Variants in ATP10D observed in about 807,000 individuals in gnomAD.
The protein encoded by ATP10D is phospholipid-transporting ATPase VD.
ATP10D carries 89 observed loss-of-function variants against 144.8 expected under a neutral mutation model. That is an observed-to-expected ratio of 0.61 (90% CI 0.52 to 0.73). The LOEUF (loss-of-function observed/expected upper bound fraction) is 0.73. Ranked by LOEUF, ATP10D falls within the 30% of genes least tolerant of loss-of-function variation. ATP10D has a pLI of 0.00. For missense variants in ATP10D, 1,603 were observed against 1,714.8 expected, an observed-to-expected ratio of 0.93 and a Z score of 1.15; for synonymous variants, 571 against 615.1, an observed-to-expected ratio of 0.93 and a Z score of 1.06.
At chr4:47,577,712 C>T (rs890062750) in intron 19 of ATP10D, among the ~76,000 whole-genome samples, 2 of 152,200 alleles carry the variant, frequency 1.3e-5, no homozygotes, top group Non-Finnish European at 2.9e-5. Flanking sequence ...TGTCCTTACA[C>T]TACCTAGAAC....
rs138248716 is a variant in ATP10D, at chr4:47,570,759, T to C, written c.3164-1395T>C. Among the ~76,000 whole-genome samples the C allele has an allele frequency of 4.4e-3, 666 of 150,650 alleles. 2 individuals are homozygous for C. Among genetic ancestry groups the C allele is most frequent in the African/African-American group, 0.015 (619 of 40,914 alleles). On this transcript the variant is annotated intron_variant, in intron 16 of 22. Transcript: ENST00000273859. ...CGGAGGTTGCAGTGAGCTGAGATTA[T>C]GCCACTGAATTACAGCCTAGGAGAC...
chr4:47,559,452 A>C (rs955307734), intron 13 of ATP10D, among the ~76,000 whole-genome samples: 1 of 152,144 alleles, frequency 6.6e-6, no homozygotes, highest in Non-Finnish European at 1.5e-5. Context: ...CTCTTTTCTT[A>C]TGTGCCCGTA....
intron 18 of ATP10D, among the ~76,000 whole-genome samples, chr4:47,575,347 G>T (rs1720172852): frequency 1.3e-5 from 2 of 152,086 alleles, no homozygotes; most frequent in African/African-American, 4.8e-5. Context: ...AACTTAGTTT[G>T]TCTGAGACAA....
Position 47,554,727 on chromosome 4 carries a change from A to G in ATP10D, c.1637A>G (p.Glu546Gly). 1 of 1,605,532 alleles carries G rather than the reference A, an allele frequency of 6.2e-7. No homozygotes were observed. The highest frequency in any genetic ancestry group is 8.5e-7 in the Non-Finnish European group (1 of 1,175,366). The change falls in exon 11 of 23, where the codon GAA (glutamate) becomes GGA (glycine). Residue 546 changes from glutamate (E) to glycine (G), a missense_variant and splice_region_variant. Glu to Gly is a moderately conservative substitution (Grantham distance 98). Transcript: ENST00000273859. Reference protein sequence around the residue: ...SRQAAFSSPIETDVVPDTRLL... With the variant: ...SRQAAFSSPIGTDVVPDTRLL... ...CACACTGTCTTATTGGATCTTCAGG[A>G]AACAGACGTGGTACCAGACACCAGG... is the stretch of plus-strand genomic sequence containing the variant.
chr4:47,552,855 A>G (rs1458255602), intron 10 of ATP10D, among the ~76,000 whole-genome samples: 1 of 152,208 alleles, frequency 6.6e-6, no homozygotes, highest in Non-Finnish European at 1.5e-5. Context: ...TAAAAAATAG[A>G]ATTTGGAAAG....
intron 22 of ATP10D, among the ~76,000 whole-genome samples, chr4:47,589,378 A>G (rs1188820449): frequency 1.3e-5 from 2 of 152,180 alleles, no homozygotes; most frequent in Admixed American, 6.5e-5. Context: ...GGTTTCTGCT[A>G]TAACAAATGC....
intron 4 of ATP10D, among the ~76,000 whole-genome samples, chr4:47,524,523 A>G (rs1717133712): frequency 6.6e-6 from 1 of 152,230 alleles, no homozygotes; most frequent in Non-Finnish European, 1.5e-5. Context: ...TTAATCAGCA[A>G]TTAATATTTG....
chr4:47,534,660 T>G (rs187155830), intron 5 of ATP10D, among the ~76,000 whole-genome samples: 4 of 152,310 alleles, frequency 2.6e-5, no homozygotes, highest in Non-Finnish European at 5.9e-5. Context: ...CTAGAATGAT[T>G]CTTGATTTCA....
At chr4:47,493,018 C>A (rs774253822) in intron 1 of ATP10D, among the ~76,000 whole-genome samples, 1 of 152,086 alleles carries the variant, frequency 6.6e-6, no homozygotes, top group Non-Finnish European at 1.5e-5. Context: ...GGGCTAAATT[C>A]TTTCCATTTC....
At chr4:47,539,373 T>C (rs1560432819) in intron 9 of ATP10D, among the ~76,000 whole-genome samples, 1 of 152,208 alleles carries the variant, frequency 6.6e-6, no homozygotes, top group South Asian at 2.1e-4. Context: ...TTGAATATGA[T>C]GACACTCTGC....
In ATP10D at chr4:47,537,045, C is replaced by T; in HGVS notation, c.1396+107C>T. 4.6e-6 allele frequency: 6 copies of T among 1,309,232 alleles called. No homozygotes were observed. The South Asian group carries it at 9.1e-5, about 20-fold the overall frequency. The allele number at this position is 1,309,232 out of a possible 1,614,324, so 81.1% of individuals were successfully genotyped here. A position where few individuals can be genotyped will look rare whatever the true frequency, so the allele number is the denominator to read the frequency against. On this transcript the variant is annotated intron_variant, in intron 9 of 22. Transcript: ENST00000273859. The stretch of plus-strand genomic sequence containing the variant: ...CTGACATAGAAGTGGTTTATTTAAT[C>T]ATTGAGTACTTAATGCTTCCAGATG...
At chr4:47,548,439 G>A (rs1242570594) in intron 10 of ATP10D, among the ~76,000 whole-genome samples, 4 of 151,884 alleles carry the variant, frequency 2.6e-5, no homozygotes, top group East Asian at 1.9e-4. Context: ...CCGTCCCTCC[G>A]TCCCTTCATC....
chr4:47,538,769 C>A (rs960309560), intron 9 of ATP10D, among the ~76,000 whole-genome samples: 1 of 152,156 alleles, frequency 6.6e-6, no homozygotes, highest in Admixed American at 6.5e-5. Context: ...ATTCGCAGCT[C>A]CAAGAGGTTG....
intron 15 of ATP10D, 68 bp from the exon 16 acceptor site, chr4:47,568,769 T>G: frequency 7.3e-7 from 1 of 1,373,716 alleles, no homozygotes; most frequent in Non-Finnish European, 1.0e-6. Context: ...AAAATGACAA[T>G]AAAAAATGTA....
At chr4:47,580,572 T>G in intron 20 of ATP10D, 94 bp downstream of exon 20, 3 of 1,094,508 alleles carry the variant, frequency 2.7e-6, no homozygotes, top group Non-Finnish European at 2.8e-6. Context: ...GAGGGCAGAT[T>G]GCTCATATAA....
intron 1 of ATP10D, among the ~76,000 whole-genome samples, chr4:47,499,859 ATTTG>A (rs1044939344): frequency 1.3e-5 from 2 of 152,144 alleles, no homozygotes; most frequent in Non-Finnish European, 2.9e-5. Context: ...AATAAGTCCT[ATTTG>A]TTTTATTTCC....
intron 12 of ATP10D, 135 bp downstream of exon 12, chr4:47,558,408 C>A: frequency 8.0e-7 from 1 of 1,254,258 alleles, no homozygotes; most frequent in Non-Finnish European, 1.1e-6. Context: ...GGGGAAGCTG[C>A]CTAGGATTTG....
At position 47,572,372 on chromosome 4, in the gene ATP10D, T is replaced by G. The variant is rs569570864; in HGVS notation, c.3240+142T>G. 7.8e-6 allele frequency: 5 copies of G among 641,756 alleles called. No homozygotes were observed. In the African/African-American group the frequency reaches 1.1e-4, roughly 14 times the overall value. 39.8% of individuals were successfully genotyped at this position (641,756 alleles called of 1,614,324 possible). A position where few individuals can be genotyped will look rare whatever the true frequency, so the allele number is the denominator to read the frequency against. The stretch of plus-strand genomic sequence containing the variant: ...GGGAGACAGGAAGTTTACCTATCTA[T>G]TCATTGATTTTTTTTTACTAGGTGA... On this transcript the variant is annotated intron_variant, in intron 17 of 22. Transcript: ENST00000273859.
At chr4:47,499,855 T>A (rs1715590393) in intron 1 of ATP10D, among the ~76,000 whole-genome samples, 1 of 152,176 alleles carries the variant, frequency 6.6e-6, no homozygotes, top group Admixed American at 6.5e-5. Flanking sequence ...TAAAAATAAG[T>A]CCTATTTGTT....
Sources: gnomAD v4.1 joint callset for allele counts (sites outside exome capture counted in the v4.1 genomes callset) on GRCh38, gnomAD v4.1.1 for gene constraint, MANE v1.5 for transcripts, NCBI Gene and HGNC (gene_info 2026-07-23, HGNC 2026-07-21) for gene names.